The following ADGRF4 variants were observed in gnomAD, a reference collection of about 807,000 sequenced individuals.
The protein encoded by ADGRF4 is adhesion G protein-coupled receptor F4, also known as G-protein coupled receptor PGR18.
Under a neutral mutation model 58.5 loss-of-function variants are expected in ADGRF4, and 63 were observed. That is an observed-to-expected ratio of 1.08 (90% CI 0.88 to 1.33). The LOEUF (loss-of-function observed/expected upper bound fraction) is 1.33, where lower values mean the gene tolerates loss of function less well. Among genes scored for constraint, ADGRF4 ranks in the 40% most tolerant of loss-of-function variants. The probability of loss-of-function intolerance (pLI) is 0.00; values close to 1 mark genes in which losing one functional copy is unlikely to be tolerated. For synonymous variants in ADGRF4, 313 were observed against 295.4 expected (o/e 1.06, Z -0.61); for missense variants, 931 against 843.9 (o/e 1.10, Z -1.28).
At chr6:47,718,690 C>T (rs1402689456) in intron 9 of ADGRF4, among the ~76,000 whole-genome samples, 1 of 152,196 alleles carries the variant, frequency 6.6e-6, no homozygotes, top group African/African-American at 2.4e-5. Flanking sequence ...CTGCTGTCTA[C>T]AGTGCTCACA....
rs978208712 is a variant in ADGRF4, at chr6:47,718,455, A to C, written c.*3+10A>C. ...TCGTCAAGGATGAAATGTGAGTATT[A>C]AAAATATAAAGAGAAATTTCACTTG... On this transcript the variant is annotated intron_variant, in intron 9 of 9. Transcript: ENST00000283303. 1.3e-5 allele frequency: 20 copies of C among 1,500,788 alleles called. No individual in the cohort carries two copies. Among genetic ancestry groups the C allele is most frequent in the Non-Finnish European group, 1.3e-5 (14 of 1,076,986 alleles). The allele number at this position is 1,500,788 out of a possible 1,614,324, so 93.0% of individuals were successfully genotyped here.
chr6:47,715,737 T>C (rs1771998128), intron 6 of ADGRF4: 1 of 153,114 alleles, frequency 6.5e-6, no homozygotes, highest in Middle Eastern at 3.4e-3. Flanking sequence ...CCTCAACTAT[T>C]TGGTTCTTTG....
At chr6:47,716,937 C>G in intron 7 of ADGRF4, 90 bp downstream of exon 7, 8 of 866,234 alleles carry the variant, frequency 9.2e-6, no homozygotes, top group Non-Finnish European at 1.5e-5. Context: ...AGAGCATACT[C>G]CAGGGGAGTT....
At position 47,721,893 on chromosome 6, in the gene ADGRF4, T is replaced by C. The variant is rs1772172715; in HGVS notation, c.*688T>C. On this transcript the variant is annotated 3_prime_UTR_variant, in exon 10 of 10. Transcript: ENST00000283303. ...AAAAAAAAATTCTTGTAGGTATTAC[T>C]GTTTGTGTGTTTGAGTTTACTGCAC... 6.6e-6 allele frequency: 1 copy of C among 152,232 alleles called. No individual in the cohort carries two copies. Among genetic ancestry groups the C allele is most frequent in the Admixed American group, 6.5e-5 (1 of 15,286 alleles). The allele number at this position is 152,232 out of a possible 1,614,324, so 9.4% of individuals were successfully genotyped here.
Position 47,700,106 on chromosome 6 carries a change from A to G in ADGRF4, c.-17+1312A>G, listed in dbSNP as rs140100078. Among the ~76,000 whole-genome samples, 397 of 152,306 alleles carry G rather than the reference A, an allele frequency of 2.6e-3. 3 individuals carry two copies. The highest frequency in any genetic ancestry group is 9.3e-3 in the African/African-American group (386 of 41,566). ...GAGGCACTCCCTCTCACCTTGTGGT[A>G]CAGTTCCGGGGAGAGGAACCCTTTG... On this transcript the variant is annotated intron_variant, in intron 1 of 9. Coordinates refer to ENST00000283303, the MANE Select transcript of ADGRF4 (RefSeq NM_153838.5).
At chr6:47,712,178 C>A (rs542534528) in intron 4 of ADGRF4, among the ~76,000 whole-genome samples, 179 bp from the exon 5 acceptor site, 1 of 152,274 alleles carries the variant, frequency 6.6e-6, no homozygotes, top group Non-Finnish European at 1.5e-5. Context: ...TGGGTGAAAT[C>A]CTCTGCCTCT....
chr6:47,708,393 C>A (rs1771776061), intron 3 of ADGRF4, 115 bp downstream of exon 3: 3 of 714,746 alleles, frequency 4.2e-6, no homozygotes, highest in South Asian at 3.2e-5. Context: ...ATAGCAATCT[C>A]CAGTAAGTCC....
chr6:47,708,150 AT>A (rs1771766352), intron 2 of ADGRF4, 73 bp from the exon 3 acceptor site: 1 of 1,090,616 alleles, frequency 9.2e-7, no homozygotes, highest in African/African-American at 1.6e-5. Flanking sequence ...TCATATTCAT[AT>A]GGAGCCTCTA....
chr6:47,706,497 G>T (rs1458221384), intron 1 of ADGRF4, among the ~76,000 whole-genome samples: 2 of 152,172 alleles, frequency 1.3e-5, no homozygotes, highest in Admixed American at 6.5e-5. Flanking sequence ...ATAGGACAGT[G>T]GTTCTCAACT....
At chr6:47,716,940 G>C (rs1482996372) in intron 7 of ADGRF4, 93 bp downstream of exon 7, 12 of 839,564 alleles carry the variant, frequency 1.4e-5, no homozygotes, top group Non-Finnish European at 2.2e-5. Context: ...GCATACTCCA[G>C]GGGAGTTGAG....
At chr6:47,718,333 T>C (rs760590638) in intron 8 of ADGRF4, 56 bp from the exon 9 acceptor site, 9 of 907,106 alleles carry the variant, frequency 9.9e-6, no homozygotes, top group Non-Finnish European at 1.3e-5. Flanking sequence ...GAGAGGGATA[T>C]ACATTTTGTC....
intron 1 of ADGRF4, among the ~76,000 whole-genome samples, chr6:47,706,989 G>A (rs1006098362): frequency 6.6e-6 from 1 of 152,196 alleles, no homozygotes; most frequent in Non-Finnish European, 1.5e-5. Flanking sequence ...ATCCGTTCTG[G>A]TTCTTCCATC....
intron 7 of ADGRF4, among the ~76,000 whole-genome samples, 155 bp downstream of exon 7, chr6:47,717,002 C>G (rs1415193164): frequency 6.6e-6 from 1 of 151,944 alleles, no homozygotes; most frequent in Admixed American, 6.6e-5. Flanking sequence ...AAAAACACAC[C>G]AATATTCTGT....
chr6:47,707,433 A>G, intron 2 of ADGRF4, 95 bp downstream of exon 2: 2 of 789,654 alleles, frequency 2.5e-6, no homozygotes, highest in South Asian at 2.8e-5. Flanking sequence ...TTTTAAATAC[A>G]TTTTCAAATG....
chr6:47,709,228 C>G (rs1251103881), intron 3 of ADGRF4, among the ~76,000 whole-genome samples: 5 of 152,282 alleles, frequency 3.3e-5, no homozygotes, highest in South Asian at 2.1e-4. Flanking sequence ...TTCCATTTTC[C>G]CCAGCTGCTA....
intron 1 of ADGRF4, among the ~76,000 whole-genome samples, chr6:47,704,256 C>G (rs1225216914): frequency 6.6e-6 from 1 of 152,080 alleles, no homozygotes; most frequent in Admixed American, 6.6e-5. Context: ...GTTGACCAGG[C>G]TGGTCTCGAA....
At chr6:47,701,975 A>G (rs904469391) in intron 1 of ADGRF4, among the ~76,000 whole-genome samples, 4 of 152,138 alleles carry the variant, frequency 2.6e-5, no homozygotes, top group Non-Finnish European at 4.4e-5. Flanking sequence ...AGTAGCTGGC[A>G]TTATAGGTAT....
chr6:47,707,192 T>A (rs1771730749), intron 1 of ADGRF4, 38 bp from the exon 2 acceptor site: 4 of 1,106,940 alleles, frequency 3.6e-6, no homozygotes, highest in Middle Eastern at 1.9e-4. Context: ...CGTGAAGTTG[T>A]CACCTTCAGG....
intron 9 of ADGRF4, among the ~76,000 whole-genome samples, chr6:47,720,741 T>C (rs1396379406): frequency 6.6e-6 from 1 of 152,172 alleles, no homozygotes; most frequent in Non-Finnish European, 1.5e-5. Context: ...AGGCTCTGGG[T>C]TCCTCCAGTG....
Sources: gnomAD v4.1 joint callset for allele counts (sites outside exome capture counted in the v4.1 genomes callset) on GRCh38, gnomAD v4.1.1 for gene constraint, MANE v1.5 for transcripts, NCBI Gene and HGNC (gene_info 2026-07-23, HGNC 2026-07-21) for gene names.